C13orf42: variants seen among roughly 807,000 people sequenced by gnomAD.
C13orf42 encodes the protein chromosome 13 open reading frame 42.
chr13:51,137,057 G>T (rs955461220), intron 1 of C13orf42, among the ~76,000 whole-genome samples: 1 of 152,188 alleles, frequency 6.6e-6, no homozygotes, highest in Non-Finnish European at 1.5e-5. Flanking sequence ...ATAAGGAAGA[G>T]GAGCTGTGTG....
At chr13:51,154,376 C>T (rs910709185) in intron 1 of C13orf42, among the ~76,000 whole-genome samples, 1 of 152,084 alleles carries the variant, frequency 6.6e-6, no homozygotes, top group Non-Finnish European at 1.5e-5. Context: ...CATAGGGACT[C>T]CTGCTTTTTG....
At chr13:51,139,932 TTG>T (rs1200398969) in intron 1 of C13orf42, among the ~76,000 whole-genome samples, 1 of 152,206 alleles carries the variant, frequency 6.6e-6, no homozygotes, top group Non-Finnish European at 1.5e-5. Context: ...GATTTCTTTG[TTG>T]TGTGAGATCC....
At chr13:51,126,094 T>A (rs187750972) in intron 1 of C13orf42, among the ~76,000 whole-genome samples, 24 of 152,348 alleles carry the variant, frequency 1.6e-4, no homozygotes, top group Non-Finnish European at 3.4e-4. Context: ...CCTACGTGTG[T>A]GGCCGGGTGG....
At chr13:51,126,396 C>T (rs1279693002) in intron 1 of C13orf42, among the ~76,000 whole-genome samples, 3 of 152,126 alleles carry the variant, frequency 2.0e-5, no homozygotes, top group Non-Finnish European at 2.9e-5. Flanking sequence ...AAATTAGTTA[C>T]ATTCAGGCAA....
At chr13:51,167,664 C>G (rs912118671) in intron 1 of C13orf42, among the ~76,000 whole-genome samples, 3 of 152,102 alleles carry the variant, frequency 2.0e-5, no homozygotes, top group Admixed American at 6.5e-5. Context: ...GACAAATAGC[C>G]TTTAATTCCA....
chr13:51,139,593 T>G (rs2138028911), intron 1 of C13orf42, among the ~76,000 whole-genome samples: 1 of 152,144 alleles, frequency 6.6e-6, no homozygotes. Flanking sequence ...ACCTTGCTAA[T>G]AAAACAGTCT....
intron 1 of C13orf42, among the ~76,000 whole-genome samples, chr13:51,171,641 C>T (rs1308008117): frequency 6.6e-6 from 1 of 152,144 alleles, no homozygotes; most frequent in East Asian, 1.9e-4. Context: ...CACACCTGGT[C>T]GGGCTTACAG....
At chr13:51,103,783 G>C (rs1158102736) in intron 1 of C13orf42, among the ~76,000 whole-genome samples, 2 of 152,164 alleles carry the variant, frequency 1.3e-5, no homozygotes, top group African/African-American at 4.8e-5. Context: ...CCATAAGCCA[G>C]ACACAGAAGA....
chr13:51,119,483 G>A (rs751493092), intron 1 of C13orf42, among the ~76,000 whole-genome samples: 18 of 152,000 alleles, frequency 1.2e-4, no homozygotes, highest in East Asian at 3.9e-4. Context: ...AGGGGAAATC[G>A]CCAAGAGGTG....
At chr13:51,097,854 G>A (rs1200143710) in intron 1 of C13orf42, among the ~76,000 whole-genome samples, 4 of 151,826 alleles carry the variant, frequency 2.6e-5, no homozygotes, top group Non-Finnish European at 1.5e-5. Flanking sequence ...CAGGGTCCAT[G>A]TCCCTTTGCC....
chr13:51,150,066 C>T (rs1263972564), intron 1 of C13orf42, among the ~76,000 whole-genome samples: 1 of 152,214 alleles, frequency 6.6e-6, no homozygotes, highest in Non-Finnish European at 1.5e-5. Context: ...AGATATAAAA[C>T]CAGTTTTAAA....
At chr13:51,129,234 C>G (rs1953597306) in intron 1 of C13orf42, among the ~76,000 whole-genome samples, 1 of 152,208 alleles carries the variant, frequency 6.6e-6, no homozygotes, top group African/African-American at 2.4e-5. Context: ...ACTGGCAAAA[C>G]AGAATATCTG....
intron 1 of C13orf42, among the ~76,000 whole-genome samples, chr13:51,137,124 T>G (rs1185087548): frequency 6.6e-6 from 1 of 152,180 alleles, no homozygotes; most frequent in Non-Finnish European, 1.5e-5. Context: ...CTCTTTGTTA[T>G]CCTGAAAACT....
intron 1 of C13orf42, among the ~76,000 whole-genome samples, chr13:51,160,020 T>A (rs2138046838): frequency 6.6e-6 from 1 of 152,088 alleles, no homozygotes; most frequent in East Asian, 1.9e-4. Context: ...TGAGACTTAC[T>A]CACTATCTCG....
chr13:51,085,741 T>A (rs1405242871), intron 2 of C13orf42, among the ~76,000 whole-genome samples, 182 bp from the exon 3 acceptor site: 1 of 152,230 alleles, frequency 6.6e-6, no homozygotes, highest in African/African-American at 2.4e-5. Context: ...TGCAATGGAA[T>A]ATATGTCCAT....
intron 1 of C13orf42, among the ~76,000 whole-genome samples, chr13:51,148,348 C>T (rs919210162): frequency 2.6e-5 from 4 of 152,216 alleles, no homozygotes; most frequent in African/African-American, 7.2e-5. Context: ...ATAGCACACA[C>T]GCACGGCCCC....
At chr13:51,093,762 C>T (rs1322954923) in intron 1 of C13orf42, among the ~76,000 whole-genome samples, 1 of 152,164 alleles carries the variant, frequency 6.6e-6, no homozygotes, top group Non-Finnish European at 1.5e-5. Flanking sequence ...CATTATTTTA[C>T]TACTAGTTGC....
chr13:51,127,798 C>T (rs1211083321), intron 1 of C13orf42, among the ~76,000 whole-genome samples: 2 of 152,172 alleles, frequency 1.3e-5, no homozygotes, highest in Non-Finnish European at 2.9e-5. Context: ...TTATTCCACT[C>T]ATTCTAGGTA....
intron 1 of C13orf42, among the ~76,000 whole-genome samples, chr13:51,138,425 C>T (rs563956736): frequency 1.3e-5 from 2 of 152,170 alleles, no homozygotes; most frequent in South Asian, 2.1e-4. Context: ...CCTGGATAGA[C>T]ATTAGTCAAA....
Sources: allele counts gnomAD v4.1 joint callset (sites outside exome capture counted in the v4.1 genomes callset), GRCh38; gene constraint gnomAD v4.1.1; transcripts MANE v1.5; gene names NCBI Gene and HGNC (gene_info 2026-07-23, HGNC 2026-07-21).